Variants in TRAIP observed in about 807,000 individuals in gnomAD.
The protein encoded by TRAIP is E3 ubiquitin-protein ligase TRAIP.
TRAIP carries 37 observed loss-of-function variants against 65.0 expected under a neutral mutation model. That is an observed-to-expected ratio of 0.57 (90% CI 0.44 to 0.75). The LOEUF is 0.75. TRAIP is among the 30% of genes least tolerant of loss of function. The pLI, the probability that TRAIP is intolerant of heterozygous loss-of-function variation, is 0.00. For missense variants in TRAIP, 481 were observed against 579.4 expected, an observed-to-expected ratio of 0.83 and a Z score of 1.74; for synonymous variants, 187 against 219.1, an observed-to-expected ratio of 0.85 and a Z score of 1.29.
chr3:49,848,105 T>C, intron 2 of TRAIP, 38 bp downstream of exon 2: 1 of 1,608,974 alleles, frequency 6.2e-7, no homozygotes, highest in African/African-American at 1.3e-5. Flanking sequence ...GCTAAGGAGA[T>C]CTCTTCAGTT....
In TRAIP at chr3:49,847,225, T is replaced by A. The variant is rs867197627; in HGVS notation, c.240+300A>T. 7.0e-5 allele frequency among the ~76,000 whole-genome samples: 10 copies of A among 143,058 alleles called. 1 individual carries two copies. The South Asian group carries it at 1.9e-3, about 28-fold the overall frequency. 93.9% of individuals were successfully genotyped at this position (143,058 alleles called of 152,430 possible). On this transcript the variant is annotated intron_variant, in intron 3 of 14. Coordinates refer to ENST00000331456, the MANE Select transcript of TRAIP (RefSeq NM_005879.3). ...TAAATAAATAAATAAATAAATAAAATAAAAAAATTAACCGAGCATGGTGGT... is the reference window on the plus strand; with the variant it reads ...TAAATAAATAAATAAATAAATAAAAAAAAAAAATTAACCGAGCATGGTGGT...
Position 49,840,892 on chromosome 3 carries a change from C to A in TRAIP, c.705+93G>T, listed in dbSNP as rs1279278626. The stretch of plus-strand genomic sequence containing the variant: ...CAGCTGCCCCAGGGAGTCAGCTGTG[C>A]CATCAGGTCCCATGGCCTTGCTCAG... On this transcript the variant is annotated intron_variant, in intron 8 of 14. Coordinates refer to ENST00000331456, the MANE Select transcript of TRAIP (RefSeq NM_005879.3). 5.0e-6 allele frequency: 6 copies of A among 1,191,128 alleles called. No homozygotes were observed. In the Admixed American group the frequency reaches 1.0e-4, roughly 21 times the overall value. The allele number at this position is 1,191,128 out of a possible 1,614,324, so 73.8% of individuals were successfully genotyped here. A position where few individuals can be genotyped will look rare whatever the true frequency, so the allele number is the denominator to read the frequency against.
chr3:49,848,482 G>A (rs978636193), intron 1 of TRAIP, among the ~76,000 whole-genome samples: 6 of 152,196 alleles, frequency 3.9e-5, no homozygotes, highest in African/African-American at 1.4e-4. Context: ...AGAGATGATA[G>A]TCGAAGCTCA....
At chr3:49,845,316 G>A (rs1389629051) in intron 3 of TRAIP, among the ~76,000 whole-genome samples, 1 of 152,206 alleles carries the variant, frequency 6.6e-6, no homozygotes, top group Non-Finnish European at 1.5e-5. Context: ...GAGCAAGAGA[G>A]GTGCCTGCTC....
chr3:49,831,851 G>T, intron 11 of TRAIP, 65 bp downstream of exon 11: 1 of 1,444,434 alleles, frequency 6.9e-7, no homozygotes, highest in Non-Finnish European at 9.2e-7. Flanking sequence ...ACAGCACAGG[G>T]CCTGCAGAGC....
chr3:49,840,203 C>T, intron 9 of TRAIP, 81 bp downstream of exon 9: 2 of 1,303,132 alleles, frequency 1.5e-6, no homozygotes, highest in South Asian at 1.2e-5. Flanking sequence ...TGCAAGGGTC[C>T]TGGGCAGAGA....
chr3:49,831,958 G>C lies in TRAIP; in HGVS notation c.995C>G (p.Ser332Cys). ...VDTPPARPSS[S>C]QHGYYEKLCL... is the part of the protein sequence containing the mutation. ...AAGTTTTTCGTAGTAACCATGCTGG[G>C]AGCTGGAGGGCCGGGCTGGGGGAGT... Residue 332 changes from serine (S) to cysteine (C), a missense_variant, in exon 11 of 15, where the codon TCC (serine) becomes TGC (cysteine). Ser to Cys is a moderately radical substitution (Grantham distance 112, BLOSUM62 -1). Coordinates refer to ENST00000331456, the MANE Select transcript of TRAIP (RefSeq NM_005879.3). The C allele has an allele frequency of 6.2e-7, 1 of 1,602,652 alleles. No individual in the cohort carries two copies. Among genetic ancestry groups the C allele is most frequent in the Non-Finnish European group, 8.5e-7 (1 of 1,174,544 alleles).
intron 1 of TRAIP, among the ~76,000 whole-genome samples, chr3:49,854,433 T>C (rs1001731844): frequency 3.9e-5 from 6 of 152,320 alleles, no homozygotes; most frequent in Middle Eastern, 3.4e-3. Context: ...TTGAGTTGCC[T>C]GGGAAAATGA....
In TRAIP at chr3:49,839,658, G is replaced by A. The variant is rs942176135; in HGVS notation, c.884+114C>T. The A allele has an allele frequency of 4.1e-6, 4 of 963,874 alleles. No homozygotes were observed. In the African/African-American group the frequency reaches 6.5e-5, roughly 16 times the overall value. 59.7% of individuals were successfully genotyped at this position (963,874 alleles called of 1,614,324 possible). ...GGCTGGCTCCCAGGGCAGGCTGTCT[G>A]CAGACATCAGGTCCACAGAGGTCAC... On this transcript the variant is annotated intron_variant, in intron 10 of 14. Coordinates refer to ENST00000331456, the MANE Select transcript of TRAIP (RefSeq NM_005879.3).
chr3:49,854,021 ACTT>A (rs2081953542), intron 1 of TRAIP, among the ~76,000 whole-genome samples: 1 of 152,012 alleles, frequency 6.6e-6, no homozygotes. Context: ...CCAAACAAAA[ACTT>A]TACTTAAAAA....
At chr3:49,855,224 T>G (rs1418022299) in intron 1 of TRAIP, among the ~76,000 whole-genome samples, 1 of 152,114 alleles carries the variant, frequency 6.6e-6, no homozygotes, top group Admixed American at 6.6e-5. Context: ...CCAAGGTGGG[T>G]GGATCACCTG....
chr3:49,835,140 G>A (rs1442246230), intron 10 of TRAIP, among the ~76,000 whole-genome samples: 2 of 152,184 alleles, frequency 1.3e-5, no homozygotes, highest in Admixed American at 6.5e-5. Context: ...CCCAGGGGGT[G>A]GAGGTTGCAG....
chr3:49,844,015 TC>T, intron 4 of TRAIP, 87 bp from the exon 5 acceptor site: 4 of 1,487,072 alleles, frequency 2.7e-6, no homozygotes, highest in South Asian at 1.3e-5. Flanking sequence ...CAGTGCCTCA[TC>T]CCTTAGGCAG....
rs537978518 is a variant in TRAIP, at chr3:49,841,445, G to A, written c.618-373C>T. On this transcript the variant is annotated intron_variant, in intron 7 of 14. Transcript: ENST00000331456. The stretch of plus-strand genomic sequence containing the variant: ...ACACCCACCAGAGTGAAGAATATGA[G>A]TAGAGTTTGATCCCAGCCAGGCAGG... Among the ~76,000 whole-genome samples the A allele has an allele frequency of 4.6e-5, 7 of 152,344 alleles. No individual in the cohort carries two copies. In the South Asian group the frequency reaches 1.4e-3, roughly 32 times the overall value.
chr3:49,841,138 C>T (rs2081836176), intron 7 of TRAIP, 66 bp from the exon 8 acceptor site: 1 of 1,368,470 alleles, frequency 7.3e-7, no homozygotes, highest in Non-Finnish European at 1.0e-6. Flanking sequence ...AGCCACAGCA[C>T]TAATCTAACA....
At chr3:49,846,976 T>A (rs2081888482) in intron 3 of TRAIP, among the ~76,000 whole-genome samples, 1 of 151,790 alleles carries the variant, frequency 6.6e-6, no homozygotes, top group African/African-American at 2.4e-5. Flanking sequence ...AGGTCAGGAG[T>A]TCGAGACCAG....
In TRAIP at chr3:49,832,173, C is replaced by T. The variant is rs985298699; in HGVS notation, c.885-105G>A. The T allele has an allele frequency of 1.4e-5, 19 of 1,324,434 alleles. No homozygotes were observed. In the Admixed American group the frequency reaches 5.9e-4, roughly 41 times the overall value. The allele number at this position is 1,324,434 out of a possible 1,614,324, so 82.0% of individuals were successfully genotyped here. The stretch of plus-strand genomic sequence containing the variant: ...CAGCTCCAGGGACCTGGAGCCCACT[C>T]CTGACTCAAGGCCACCCCTCAAGAG... On this transcript the variant is annotated intron_variant, in intron 10 of 14. Coordinates refer to ENST00000331456, the MANE Select transcript of TRAIP (RefSeq NM_005879.3).
In TRAIP at chr3:49,829,613, T is replaced by A. The variant is rs1440343235; in HGVS notation, c.1236+4A>T. The A allele has an allele frequency of 6.2e-7, 1 of 1,614,166 alleles. No homozygotes were observed. The highest frequency in any genetic ancestry group is 1.7e-5 in the Admixed American group (1 of 60,014). ...CTCCTGCCACTGTGGGAAGCCACAC[T>A]CACCACATCTTTGCTGCAAGAGGAC... On this transcript the variant is annotated splice_donor_region_variant and intron_variant, in intron 13 of 14. Transcript: ENST00000331456.
intron 1 of TRAIP, among the ~76,000 whole-genome samples, chr3:49,850,086 A>G (rs1575399471): frequency 6.6e-6 from 1 of 152,218 alleles, no homozygotes; most frequent in East Asian, 1.9e-4. Context: ...AATACTACAC[A>G]GCAAGAATAA....
Sources: allele counts gnomAD v4.1 joint callset (sites outside exome capture counted in the v4.1 genomes callset), GRCh38; gene constraint gnomAD v4.1.1; transcripts MANE v1.5; gene names NCBI Gene and HGNC (gene_info 2026-07-23, HGNC 2026-07-21).